The following MNS1 variants were observed in gnomAD, a reference collection of about 807,000 sequenced individuals.
MNS1 encodes the protein meiosis-specific nuclear structural protein 1.
A neutral mutation model predicts 72.0 loss-of-function variants in MNS1; 63 were observed. That is an observed-to-expected ratio of 0.87 (90% CI 0.71 to 1.08). The LOEUF is 1.08. MNS1 is among the 50% of genes least tolerant of loss of function. The pLI is 0.00. For synonymous variants in MNS1, 188 were observed against 172.1 expected (o/e 1.09, Z -0.72); for missense variants, 604 against 562.4 (o/e 1.07, Z -0.75).
In MNS1 at chr15:56,462,108, G is replaced by C. The variant is rs4415963; in HGVS notation, c.225+1918C>G. 2.7e-5 allele frequency among the ~76,000 whole-genome samples: 4 copies of C among 149,616 alleles called. No individual in the cohort carries two copies. In the South Asian group the frequency reaches 8.5e-4, roughly 32 times the overall value. On this transcript the variant is annotated intron_variant, in intron 2 of 9. Transcript: ENST00000260453. ...CAGCCTTGAACTCCTGGGCTCAAGA[G>C]ATCCTTCCATCTTGGCCTCCCAAAG...
chr15:56,451,177 G>A (rs1472002811), intron 3 of MNS1, among the ~76,000 whole-genome samples: 1 of 152,160 alleles, frequency 6.6e-6, no homozygotes, highest in Non-Finnish European at 1.5e-5. Context: ...TCTGAGTGAG[G>A]TAAAACAGAT....
At chr15:56,448,201 C>T (rs1030031864) in intron 3 of MNS1, among the ~76,000 whole-genome samples, 33 of 152,174 alleles carry the variant, frequency 2.2e-4, no homozygotes, top group Non-Finnish European at 3.8e-4. Flanking sequence ...GATGCACGTT[C>T]AGCGTTTTAA....
chr15:56,452,252 A>G (rs538896011), intron 3 of MNS1, among the ~76,000 whole-genome samples: 4 of 152,282 alleles, frequency 2.6e-5, no homozygotes, highest in African/African-American at 7.2e-5. Context: ...TGGCAAAGGA[A>G]AAAGGCACAT....
rs1445149543 is a variant in MNS1, at chr15:56,448,354, G to A, written c.354-1411C>T. ...ACAGCTCCTGTCACCCAGGCAGTGA[G>A]CACAGAATCAAATGGGTTGTTTTTT... is the stretch of plus-strand genomic sequence containing the variant. On this transcript the variant is annotated intron_variant, in intron 3 of 9. Transcript: ENST00000260453. Among the ~76,000 whole-genome samples, 9 of 152,326 alleles carry A rather than the reference G, an allele frequency of 5.9e-5. No homozygotes were observed. The East Asian group carries it at 1.3e-3, about 23-fold the overall frequency.
Position 56,434,257 on chromosome 15 carries a change from CA to C in MNS1, c.1149del (p.Phe383LeufsTer7). 6.2e-7 allele frequency: 1 copy of C among 1,613,932 alleles called. No individual in the cohort carries two copies. Among genetic ancestry groups the C allele is most frequent in the Non-Finnish European group, 8.5e-7 (1 of 1,179,908 alleles). ...ENFRKTMLAK[F>X]AEDDRIELMN... Reference sequence around the variant, plus strand: ...ATTAATTCTATTCGATCATCCTCAGCAAATTTAGCTAGCATAGTTTTTCTAA... The same window carrying C: ...ATTAATTCTATTCGATCATCCTCAGCAATTTAGCTAGCATAGTTTTTCTAA... On this transcript the variant is annotated frameshift_variant, in exon 8 of 10. Coordinates refer to ENST00000260453, the MANE Select transcript of MNS1 (RefSeq NM_018365.4). LOFTEE classifies it high-confidence loss of function.
chr15:56,439,243 A>G (rs1271736998), intron 7 of MNS1, among the ~76,000 whole-genome samples: 2 of 152,180 alleles, frequency 1.3e-5, no homozygotes, highest in African/African-American at 4.8e-5. Context: ...TGCTGAAACT[A>G]GAGAATCCTG....
At chr15:56,444,397 A>G in intron 5 of MNS1, 47 bp downstream of exon 5, 1 of 1,492,756 alleles carries the variant, frequency 6.7e-7, no homozygotes, top group East Asian at 2.3e-5. Flanking sequence ...CCTGTGATAT[A>G]TCTAAAGTAA....
At chr15:56,436,831 G>A (rs113709429) in intron 7 of MNS1, among the ~76,000 whole-genome samples, 4 of 152,190 alleles carry the variant, frequency 2.6e-5, no homozygotes, top group East Asian at 1.9e-4. Flanking sequence ...ACACCTCTAC[G>A]CAAATAAACT....
chr15:56,463,963 T>C, intron 2 of MNS1, 63 bp downstream of exon 2: 4 of 1,324,060 alleles, frequency 3.0e-6, no homozygotes, highest in Non-Finnish European at 3.1e-6. Context: ...CATTAACAGC[T>C]GACTTTCATC....
chr15:56,445,940 AGT>A (rs2050898363), intron 4 of MNS1: 1 of 152,064 alleles, frequency 6.6e-6, no homozygotes, highest in South Asian at 2.1e-4. Context: ...TAGCAAATGA[AGT>A]CTCTCCACCT....
At chr15:56,430,582 C>A in intron 9 of MNS1, among the ~76,000 whole-genome samples, 1 of 152,166 alleles carries the variant, frequency 6.6e-6, no homozygotes, top group Non-Finnish European at 1.5e-5. Flanking sequence ...TTTTAAAAAT[C>A]AAGTTTAACT....
intron 3 of MNS1, among the ~76,000 whole-genome samples, chr15:56,448,756 T>C (rs1384668519): frequency 6.8e-6 from 1 of 147,800 alleles, no homozygotes; most frequent in African/African-American, 2.5e-5. Context: ...AGATTCTTTT[T>C]TTTTTTTTTT....
At position 56,464,168 on chromosome 15, in the gene MNS1, A is replaced by G. The variant is rs914746340; in HGVS notation, c.83T>C (p.Val28Ala). ...ACTGTTGACGTTTTTTAGAGCTTGG[A>G]CATGTAATTTTTTGCAGTAGTTTTC... is the stretch of plus-strand genomic sequence containing the variant. The part of the protein sequence containing the change: ...VDENYCKKLH[V>A]QALKNVNSQI... The change falls in exon 2 of 10, where the codon GTC (valine) becomes GCC (alanine). Residue 28 changes from valine to alanine, a missense_variant. By Grantham distance (64) the Val-to-Ala change is moderately conservative. Transcript: ENST00000260453. The G allele has an allele frequency of 1.2e-6, 2 of 1,613,986 alleles. No individual in the cohort carries two copies. The highest frequency in any genetic ancestry group is 1.7e-6 in the Non-Finnish European group (2 of 1,179,976).
intron 7 of MNS1, among the ~76,000 whole-genome samples, chr15:56,439,540 T>C (rs2050783971): frequency 6.6e-6 from 1 of 151,900 alleles, no homozygotes; most frequent in Admixed American, 6.6e-5. Context: ...CAGAACAAAA[T>C]AGAGACCACA....
intron 3 of MNS1, among the ~76,000 whole-genome samples, chr15:56,452,094 A>G (rs2050951278): frequency 1.3e-5 from 2 of 152,276 alleles, no homozygotes; most frequent in East Asian, 1.9e-4. Context: ...TCCCTGTCCT[A>G]TGTTCTCTCT....
chr15:56,448,782 C>G (rs2050926989), intron 3 of MNS1, among the ~76,000 whole-genome samples: 1 of 128,418 alleles, frequency 7.8e-6, no homozygotes, highest in Admixed American at 9.4e-5. Flanking sequence ...GAGACGGAGT[C>G]TCGCTCTGTC....
rs752289540 is a variant in MNS1, at chr15:56,434,248, C to T, written c.1159G>A (p.Asp387Asn). Residue 387 changes from aspartate (D) to asparagine (N), a missense_variant, in exon 8 of 10, where the codon GAT becomes AAT. Physicochemically the swap from Asp to Asn is conservative, Grantham distance 23 (BLOSUM62 1). Coordinates refer to ENST00000260453, the MANE Select transcript of MNS1 (RefSeq NM_018365.4). ...KTMLAKFAED[D>N]RIELMNAQKQ... ...TGAGCATTCATTAATTCTATTCGAT[C>T]ATCCTCAGCAAATTTAGCTAGCATA... is the stretch of plus-strand genomic sequence containing the variant. The T allele has an allele frequency of 1.2e-5, 19 of 1,613,830 alleles. No homozygotes were observed. The highest frequency in any genetic ancestry group is 3.3e-5 in the Admixed American group (2 of 59,966).
intron 2 of MNS1, chr15:56,463,747 A>G (rs2051038024): frequency 3.0e-6 from 1 of 328,994 alleles, no homozygotes; most frequent in South Asian, 5.2e-5. Context: ...GTGCCACTGC[A>G]CTGCAACCTG....
Position 56,454,605 on chromosome 15 carries a change from T to A in MNS1, c.353+1789A>T, listed in dbSNP as rs535762935. Reference sequence around the variant, plus strand: ...TTATGATTTTCTATTACTGTTGGATTTTAAAAGTTTTATTAGGATGAGTGA... The same window carrying A: ...TTATGATTTTCTATTACTGTTGGATATTAAAAGTTTTATTAGGATGAGTGA... On this transcript the variant is annotated intron_variant, in intron 3 of 9. Coordinates refer to ENST00000260453, the MANE Select transcript of MNS1 (RefSeq NM_018365.4). 2.0e-5 allele frequency among the ~76,000 whole-genome samples: 3 copies of A among 152,248 alleles called. No individual in the cohort carries two copies. In the East Asian group the frequency reaches 5.8e-4, roughly 29 times the overall value.
Sources: gnomAD v4.1 joint callset for allele counts (sites outside exome capture counted in the v4.1 genomes callset) on GRCh38, gnomAD v4.1.1 for gene constraint, MANE v1.5 for transcripts, NCBI Gene and HGNC (gene_info 2026-07-23, HGNC 2026-07-21) for gene names.